ERO1A: variants seen among roughly 807,000 people sequenced by gnomAD.
The protein encoded by ERO1A is endoplasmic reticulum oxidoreductase 1 alpha.
In ERO1A, 49 loss-of-function variants were observed where a neutral mutation model predicts 76.9. The ratio of observed to expected loss-of-function variants is 0.64; its 90% CI spans 0.51 to 0.81. The LOEUF (loss-of-function observed/expected upper bound fraction) is 0.81. Among genes scored for constraint, ERO1A ranks in the 30% least tolerant of loss-of-function variants. ERO1A has a pLI of 0.00. For synonymous variants in ERO1A, 174 were observed against 181.2 expected (o/e 0.96, Z 0.32); for missense variants, 448 against 542.1 (o/e 0.83, Z 1.72).
In ERO1A at chr14:52,646,286, G is replaced by C; in HGVS notation, c.1214C>G (p.Thr405Ser). 6.2e-7 allele frequency: 1 copy of C among 1,604,632 alleles called. No homozygotes were observed. The highest frequency in any genetic ancestry group is 1.1e-5 in the South Asian group (1 of 88,628). Residue 405 changes from threonine to serine, a missense_variant and splice_region_variant, in exon 15 of 16, where the codon ACT (threonine) becomes AGT (serine). Physicochemically the swap from Thr to Ser is moderately conservative, Grantham distance 58. Transcript: ENST00000395686. ...FKCRLWGKLQ[T>S]QGLGTALKIL... ...CTTCAGAGCAGTGCCCAAACCCTGA[G>C]TCTGTAATAGAAATAAGGAAAAAAG... is the stretch of plus-strand genomic sequence containing the variant.
chr14:52,672,030 T>G (rs1368714337), intron 4 of ERO1A, 159 bp from the exon 5 acceptor site: 1 of 576,370 alleles, frequency 1.7e-6, no homozygotes, highest in East Asian at 3.2e-5. Context: ...TCAGGCCAGG[T>G]ACGGTGGCTC....
At chr14:52,679,326 C>T (rs2040908551) in intron 3 of ERO1A, among the ~76,000 whole-genome samples, 2 of 152,182 alleles carry the variant, frequency 1.3e-5, no homozygotes, top group Admixed American at 6.5e-5. Context: ...AACATTCTAA[C>T]TCTGATCTAA....
At chr14:52,688,189 A>T (rs1377655627) in intron 1 of ERO1A, among the ~76,000 whole-genome samples, 1 of 152,224 alleles carries the variant, frequency 6.6e-6, no homozygotes, top group South Asian at 2.1e-4. Context: ...TTGCCTCAAA[A>T]AAATAGAAAA....
intron 1 of ERO1A, among the ~76,000 whole-genome samples, chr14:52,684,327 C>A (rs1454936717): frequency 1.3e-5 from 2 of 152,046 alleles, no homozygotes; most frequent in Non-Finnish European, 2.9e-5. Flanking sequence ...AAAACAAATA[C>A]TCCATCATGT....
chr14:52,690,200 A>C (rs1457997193), intron 1 of ERO1A, among the ~76,000 whole-genome samples: 3 of 152,254 alleles, frequency 2.0e-5, no homozygotes, highest in Non-Finnish European at 4.4e-5. Context: ...AAGCTCCATG[A>C]CATTAGTCTT....
chr14:52,655,098 G>T (rs1374806355), intron 11 of ERO1A, among the ~76,000 whole-genome samples: 1 of 152,176 alleles, frequency 6.6e-6, no homozygotes, highest in African/African-American at 2.4e-5. Context: ...CAGGCGTGGT[G>T]GCTCACAACT....
intron 3 of ERO1A, among the ~76,000 whole-genome samples, chr14:52,680,074 A>C (rs1335832356): frequency 9.3e-6 from 1 of 107,988 alleles, no homozygotes; most frequent in Non-Finnish European, 1.9e-5. Flanking sequence ...ACAAGCAAAA[A>C]ACACAAACAA....
chr14:52,652,408 A>G, intron 12 of ERO1A, 100 bp from the exon 13 acceptor site: 1 of 751,212 alleles, frequency 1.3e-6, no homozygotes. Context: ...AAGAGGAGAA[A>G]ACATAGTAAA....
At chr14:52,645,178 C>T (rs1184994662) in intron 15 of ERO1A, among the ~76,000 whole-genome samples, 8 of 151,410 alleles carry the variant, frequency 5.3e-5, no homozygotes, top group African/African-American at 1.7e-4. Flanking sequence ...TTTTCTACCA[C>T]TATCAGAAAA....
intron 11 of ERO1A, 152 bp downstream of exon 11, chr14:52,657,765 C>T (rs2040098892): frequency 1.8e-6 from 1 of 571,294 alleles, no homozygotes. Flanking sequence ...ATCTACAGTT[C>T]CCACCTTTCT....
At chr14:52,693,179 T>TATCTA (rs1230542833) in intron 1 of ERO1A, among the ~76,000 whole-genome samples, 1 of 152,034 alleles carries the variant, frequency 6.6e-6, no homozygotes, top group African/African-American at 2.4e-5. Flanking sequence ...CAGGCTAGAG[T>TATCTA]GCACTGATGC....
chr14:52,659,699 T>C (rs1033654526), intron 9 of ERO1A, among the ~76,000 whole-genome samples: 1 of 152,050 alleles, frequency 6.6e-6, no homozygotes, highest in Non-Finnish European at 1.5e-5. Flanking sequence ...TTATAAAAAT[T>C]TTCAAGGTTC....
At position 52,643,350 on chromosome 14, in the gene ERO1A, C is replaced by T; in HGVS notation, c.*220G>A. On this transcript the variant is annotated 3_prime_UTR_variant, in exon 16 of 16. Transcript: ENST00000395686. The stretch of plus-strand genomic sequence containing the variant: ...TCAATATTAAACTTTAAAATTTGTA[C>T]CACATTATTAAAGTATTACTTTTAC... The T allele has an allele frequency of 2.9e-6, 1 of 341,750 alleles. No individual in the cohort carries two copies. Among genetic ancestry groups the T allele is most frequent in the South Asian group, 1.2e-4 (1 of 8,320 alleles). The allele number at this position is 341,750 out of a possible 1,614,324, so 21.2% of individuals were successfully genotyped here.
At chr14:52,678,037 G>A (rs1315564384) in intron 4 of ERO1A, among the ~76,000 whole-genome samples, 2 of 151,970 alleles carry the variant, frequency 1.3e-5, no homozygotes, top group Non-Finnish European at 2.9e-5. Flanking sequence ...AGGCCAAGAC[G>A]GGCGGATCAC....
intron 15 of ERO1A, among the ~76,000 whole-genome samples, chr14:52,644,409 C>T (rs2039574426): frequency 6.6e-6 from 1 of 152,026 alleles, no homozygotes; most frequent in Non-Finnish European, 1.5e-5. Flanking sequence ...ACTGAGATCA[C>T]GTCGGTCAAT....
chr14:52,687,717 A>T (rs536077392), intron 1 of ERO1A, among the ~76,000 whole-genome samples: 2 of 152,164 alleles, frequency 1.3e-5, no homozygotes, highest in Non-Finnish European at 2.9e-5. Flanking sequence ...TTTAAATGCT[A>T]ATGTGTTTTA....
At chr14:52,646,500 T>A (rs776166315) in intron 13 of ERO1A, 39 bp from the exon 14 acceptor site, 6 of 1,463,376 alleles carry the variant, frequency 4.1e-6, no homozygotes, top group Non-Finnish European at 4.7e-6. Flanking sequence ...AGATGTAATA[T>A]ACAGTCAATT....
At chr14:52,688,092 G>A (rs1335274653) in intron 1 of ERO1A, among the ~76,000 whole-genome samples, 1 of 152,064 alleles carries the variant, frequency 6.6e-6, no homozygotes, top group Non-Finnish European at 1.5e-5. Context: ...AGGCTAAGGT[G>A]GGAGAATCGC....
intron 4 of ERO1A, among the ~76,000 whole-genome samples, chr14:52,673,208 G>A (rs887959642): frequency 7.2e-5 from 11 of 152,036 alleles, no homozygotes; most frequent in Admixed American, 4.6e-4. Flanking sequence ...TCCCCTCTCA[G>A]TCTCCTGAGT....
Sources: allele counts gnomAD v4.1 joint callset (sites outside exome capture counted in the v4.1 genomes callset), GRCh38; gene constraint gnomAD v4.1.1; transcripts MANE v1.5; gene names NCBI Gene and HGNC (gene_info 2026-07-23, HGNC 2026-07-21).